The following ROBO1 variants were observed in gnomAD, a reference collection of about 807,000 sequenced individuals.
ROBO1 encodes the protein roundabout homolog 1.
Under a neutral mutation model 195.9 loss-of-function variants are expected in ROBO1, and 149 were observed. The ratio of observed to expected loss-of-function variants is 0.76; its 90% CI spans 0.67 to 0.87. The LOEUF is 0.87. ROBO1 is among the 40% of genes least tolerant of loss of function. The pLI is 0.00. For synonymous variants in ROBO1, 816 were observed against 733.2 expected, an observed-to-expected ratio of 1.11 and a Z score of -1.82; for missense variants, 1,933 against 2,068.3, an observed-to-expected ratio of 0.93 and a Z score of 1.27.
chr3:79,403,967 A>T (rs1221077597), intron 2 of ROBO1, among the ~76,000 whole-genome samples: 2 of 152,088 alleles, frequency 1.3e-5, no homozygotes, highest in African/African-American at 2.4e-5. Flanking sequence ...GGCTCATAAT[A>T]TCTATACACA....
chr3:78,663,381 A>C (rs1559713966), intron 14 of ROBO1, among the ~76,000 whole-genome samples: 1 of 152,172 alleles, frequency 6.6e-6, no homozygotes, highest in Non-Finnish European at 1.5e-5. Flanking sequence ...ATCTTCCTTT[A>C]CCAATATTTT....
At chr3:79,048,389 T>C (rs2078634424) in intron 3 of ROBO1, among the ~76,000 whole-genome samples, 1 of 152,152 alleles carries the variant, frequency 6.6e-6, no homozygotes, top group Admixed American at 6.6e-5. Flanking sequence ...AAGAATTTTC[T>C]TCCTTTACCA....
chr3:79,385,482 A>G (rs1028430255), intron 2 of ROBO1, among the ~76,000 whole-genome samples: 5 of 152,116 alleles, frequency 3.3e-5, no homozygotes, highest in Non-Finnish European at 7.4e-5. Context: ...ATGTTACACT[A>G]CTGCACAAAA....
intron 2 of ROBO1, among the ~76,000 whole-genome samples, chr3:79,550,753 T>C (rs1942480664): frequency 1.3e-5 from 2 of 152,162 alleles, no homozygotes. Flanking sequence ...AGAAGATCCT[T>C]CCAATGGGGT....
At chr3:79,007,317 A>T (rs1293571555) in intron 3 of ROBO1, among the ~76,000 whole-genome samples, 2 of 152,314 alleles carry the variant, frequency 1.3e-5, no homozygotes, top group African/African-American at 2.4e-5. Context: ...AAAATTGTAA[A>T]TGTCTATGCT....
intron 2 of ROBO1, among the ~76,000 whole-genome samples, chr3:79,568,180 CAACA>C (rs1170497538): frequency 1.3e-5 from 2 of 152,080 alleles, no homozygotes; most frequent in African/African-American, 4.8e-5. Context: ...CAGTTAACAA[CAACA>C]ACAACAAAAA....
At chr3:79,562,407 C>T (rs937021893) in intron 2 of ROBO1, among the ~76,000 whole-genome samples, 7 of 152,038 alleles carry the variant, frequency 4.6e-5, no homozygotes, top group East Asian at 1.9e-4. Context: ...GGGGTACATG[C>T]GCGTAACTTA....
chr3:78,785,467 G>C (rs1239739298), intron 4 of ROBO1, among the ~76,000 whole-genome samples: 2 of 151,992 alleles, frequency 1.3e-5, no homozygotes, highest in African/African-American at 4.8e-5. Context: ...TAAACTGTAG[G>C]CTGCTTATTT....
rs145186389 is a variant in ROBO1, at chr3:79,496,387, C to CATTTTT, written c.88+93436_88+93437insAAAAAT. Among the ~76,000 whole-genome samples, 80 of 112,572 alleles carry CATTTTT rather than the reference C, an allele frequency of 7.1e-4. 6 individuals are homozygous for CATTTTT. The highest frequency in any genetic ancestry group is 8.6e-4 in the Non-Finnish European group (47 of 54,664). The allele number at this position is 112,572 out of a possible 152,430, so 73.9% of individuals were successfully genotyped here. Reference sequence around the variant, plus strand: ...TTTTGGTATAATGCTGCGCACCCATCTTTTTTTGAGACGGAGTCTCGCTCT... The same window carrying CATTTTT: ...TTTTGGTATAATGCTGCGCACCCATCATTTTTTTTTTTTGAGACGGAGTCTCGCTCT... On this transcript the variant is annotated intron_variant, in intron 2 of 30. Coordinates refer to ENST00000464233, the MANE Select transcript of ROBO1 (RefSeq NM_002941.4).
chr3:78,907,770 GTCT>G (rs1198541145), intron 4 of ROBO1, among the ~76,000 whole-genome samples: 1 of 151,948 alleles, frequency 6.6e-6, no homozygotes, highest in East Asian at 1.9e-4. Flanking sequence ...TTGGCTGAGT[GTCT>G]TCATTTCACA....
rs1225531326 is a variant in ROBO1 at position 79,204,577 on chromosome 3, GA to G, written c.89-79039del. On this transcript the variant is annotated intron_variant, in intron 2 of 30. Coordinates refer to ENST00000464233, the MANE Select transcript of ROBO1 (RefSeq NM_002941.4). ...AGACATGCTTTGTAGTGGGTTGTGGGAATATAGCAGGTATGTGAACTTAATT... is the reference window on the plus strand; with the variant it reads ...AGACATGCTTTGTAGTGGGTTGTGGGATATAGCAGGTATGTGAACTTAATT... 2.0e-5 allele frequency among the ~76,000 whole-genome samples: 3 copies of G among 152,202 alleles called. 1 individual carries two copies. The highest frequency in any genetic ancestry group is 7.2e-5 in the African/African-American group (3 of 41,538).
chr3:78,902,233 T>C (rs1219612556), intron 4 of ROBO1, among the ~76,000 whole-genome samples: 3 of 152,190 alleles, frequency 2.0e-5, no homozygotes, highest in African/African-American at 7.2e-5. Context: ...GCTTATATTT[T>C]TAGTATGTGG....
intron 25 of ROBO1, among the ~76,000 whole-genome samples, chr3:78,628,802 C>A (rs569455746): frequency 1.4e-4 from 21 of 152,258 alleles, no homozygotes; most frequent in African/African-American, 4.8e-4. Context: ...TCTTTCTTCT[C>A]CCTCAAACTA....
chr3:79,066,271 A>T (rs533822717), intron 3 of ROBO1, among the ~76,000 whole-genome samples: 1 of 151,950 alleles, frequency 6.6e-6, no homozygotes, highest in South Asian at 2.1e-4. Context: ...TTTTGTGTGG[A>T]TGGAGAGGTT....
At chr3:79,505,620 A>G (rs1197723787) in intron 2 of ROBO1, among the ~76,000 whole-genome samples, 3 of 152,330 alleles carry the variant, frequency 2.0e-5, no homozygotes, top group Non-Finnish European at 2.9e-5. Flanking sequence ...AAAGCTTACA[A>G]TACTTTGCAG....
At chr3:79,501,321 A>G (rs995554343) in intron 2 of ROBO1, among the ~76,000 whole-genome samples, 5 of 152,150 alleles carry the variant, frequency 3.3e-5, no homozygotes, top group African/African-American at 1.2e-4. Flanking sequence ...CACCACCTCA[A>G]TGACTTTTTC....
chr3:79,711,395 A>C (rs182330754), intron 1 of ROBO1, among the ~76,000 whole-genome samples: 339 of 152,328 alleles, frequency 2.2e-3, no homozygotes, highest in African/African-American at 7.9e-3. Flanking sequence ...ATTATTACAC[A>C]CAGAGATTAC....
chr3:79,313,876 T>G (rs1160758424), intron 2 of ROBO1, among the ~76,000 whole-genome samples: 4 of 152,196 alleles, frequency 2.6e-5, no homozygotes, highest in Non-Finnish European at 5.9e-5. Flanking sequence ...AGTCACTATT[T>G]AAAAGTACTT....
At chr3:79,185,978 A>C (rs2081430371) in intron 2 of ROBO1, among the ~76,000 whole-genome samples, 1 of 152,132 alleles carries the variant, frequency 6.6e-6, no homozygotes, top group South Asian at 2.1e-4. Context: ...CGTGGAATGA[A>C]GAATATATTC....
Sources: gnomAD v4.1 joint callset for allele counts (sites outside exome capture counted in the v4.1 genomes callset) on GRCh38, gnomAD v4.1.1 for gene constraint, MANE v1.5 for transcripts, NCBI Gene and HGNC (gene_info 2026-07-23, HGNC 2026-07-21) for gene names.